Variants in PRR5L observed in about 807,000 individuals in gnomAD.
The protein encoded by PRR5L is proline rich 5 like, also known as proline-rich protein 5-like.
A neutral mutation model predicts 36.4 loss-of-function variants in PRR5L; 21 were observed. That is an observed-to-expected ratio of 0.58 (90% CI 0.41 to 0.83). PRR5L has a LOEUF of 0.83. Among genes scored for constraint, PRR5L ranks in the 40% least tolerant of loss-of-function variants. The pLI is 0.00. For missense variants in PRR5L, 381 were observed against 473.3 expected, an observed-to-expected ratio of 0.80 and a Z score of 1.81; for synonymous variants, 188 against 197.0, an observed-to-expected ratio of 0.95 and a Z score of 0.38.
intron 1 of PRR5L, among the ~76,000 whole-genome samples, chr11:36,369,855 C>T (rs1277496040): frequency 6.6e-6 from 1 of 152,174 alleles, no homozygotes; most frequent in Admixed American, 6.5e-5. Flanking sequence ...CCTTGGCCTC[C>T]CAAAATGCTG....
At chr11:36,439,553 T>C (rs773268765) in intron 6 of PRR5L, among the ~76,000 whole-genome samples, 3 of 152,178 alleles carry the variant, frequency 2.0e-5, no homozygotes, top group South Asian at 4.1e-4. Context: ...TCCTGTCAAC[T>C]CCTGAGGCCA....
At chr11:36,335,875 C>T (rs973782216) in intron 1 of PRR5L, among the ~76,000 whole-genome samples, 2 of 152,122 alleles carry the variant, frequency 1.3e-5, no homozygotes, top group Admixed American at 6.5e-5. Context: ...AAAGCTTTGC[C>T]GCAGTGAATC....
intron 1 of PRR5L, among the ~76,000 whole-genome samples, chr11:36,370,509 A>G (rs58951010): frequency 0.037 from 5,605 of 152,254 alleles, 358 homozygotes; most frequent in African/African-American, 0.13. Flanking sequence ...GGTGCTTGAC[A>G]CCAATAAGTG....
At chr11:36,341,618 G>C (rs1290785982) in intron 1 of PRR5L, among the ~76,000 whole-genome samples, 1 of 152,200 alleles carries the variant, frequency 6.6e-6, no homozygotes, top group Non-Finnish European at 1.5e-5. Flanking sequence ...ATCTGGCCAA[G>C]TGACCATGAG....
chr11:36,361,859 T>C (rs1230746420), intron 1 of PRR5L, among the ~76,000 whole-genome samples: 6 of 152,104 alleles, frequency 3.9e-5, no homozygotes, highest in Non-Finnish European at 7.4e-5. Flanking sequence ...GGAATGGCTG[T>C]TAAAGAGAGA....
At chr11:36,453,722 T>C (rs777300856) in intron 8 of PRR5L, among the ~76,000 whole-genome samples, 7 of 152,116 alleles carry the variant, frequency 4.6e-5, no homozygotes, top group South Asian at 2.1e-4. Context: ...GTACACATGT[T>C]CTGAGGGGGA....
rs1590621627 is a variant in PRR5L, at chr11:36,465,052, T to G, written c.*2316T>G. 6.6e-6 allele frequency: 1 copy of G among 152,232 alleles called. No individual in the cohort carries two copies. Among genetic ancestry groups the G allele is most frequent in the East Asian group, 1.9e-4 (1 of 5,202 alleles). The allele number at this position is 152,232 out of a possible 1,614,324, so 9.4% of individuals were successfully genotyped here. A position where few individuals can be genotyped will look rare whatever the true frequency, so the allele number is the denominator to read the frequency against. On this transcript the variant is annotated 3_prime_UTR_variant, in exon 9 of 9. Transcript: ENST00000530639. ...GAGGTGTCCTTAACCACTTTTTCTC[T>G]CCTAGATTCATTTTCATTATTTATG...
chr11:36,314,389 G>A (rs558196264), intron 1 of PRR5L, among the ~76,000 whole-genome samples: 1 of 152,292 alleles, frequency 6.6e-6, no homozygotes, highest in Admixed American at 6.5e-5. Flanking sequence ...TCAGTAAAGT[G>A]GACTTGGCTC....
intron 4 of PRR5L, among the ~76,000 whole-genome samples, chr11:36,421,778 TA>T (rs34310162): frequency 0.32 from 48,937 of 151,968 alleles, 8,103 homozygotes; most frequent in East Asian, 0.57. Flanking sequence ...TCTCCTCTTT[TA>T]TTTTCCTTTC....
chr11:36,461,906 A>G (rs1859193039), intron 8 of PRR5L, among the ~76,000 whole-genome samples: 1 of 152,302 alleles, frequency 6.6e-6, no homozygotes, highest in East Asian at 1.9e-4. Context: ...ATTTCAGCTT[A>G]GGAAGACTCT....
intron 1 of PRR5L, among the ~76,000 whole-genome samples, chr11:36,374,101 C>G (rs1857227149): frequency 1.1e-5 from 1 of 89,954 alleles, no homozygotes; most frequent in Non-Finnish European, 2.1e-5. Flanking sequence ...TTCCTTCCTT[C>G]CTTCCTCTCT....
intron 1 of PRR5L, among the ~76,000 whole-genome samples, chr11:36,371,163 G>T (rs907835429): frequency 5.9e-5 from 9 of 152,072 alleles, no homozygotes; most frequent in Admixed American, 5.9e-4. Flanking sequence ...TAATTATTTT[G>T]CTTATGTCAT....
chr11:36,392,674 C>T (rs1466701612), intron 1 of PRR5L, among the ~76,000 whole-genome samples: 1 of 152,038 alleles, frequency 6.6e-6, no homozygotes, highest in African/African-American at 2.4e-5. Context: ...CTAGGGAGGC[C>T]TCAGGAAACT....
intron 1 of PRR5L, among the ~76,000 whole-genome samples, chr11:36,364,991 T>A (rs1229526105): frequency 6.6e-6 from 1 of 152,240 alleles, no homozygotes; most frequent in East Asian, 1.9e-4. Context: ...GACAGTTCAG[T>A]GATCCGTACA....
At chr11:36,457,136 C>A (rs1187881777) in intron 8 of PRR5L, among the ~76,000 whole-genome samples, 2 of 152,240 alleles carry the variant, frequency 1.3e-5, no homozygotes, top group Non-Finnish European at 2.9e-5. Context: ...TCATTTCCTA[C>A]AAAGATGCTG....
chr11:36,333,183 G>A (rs1856736132), intron 1 of PRR5L, among the ~76,000 whole-genome samples: 1 of 152,134 alleles, frequency 6.6e-6, no homozygotes, highest in Middle Eastern at 3.2e-3. Context: ...AAAAATCCAG[G>A]TAGCCTATTG....
chr11:36,335,345 A>G (rs565339133), intron 1 of PRR5L, among the ~76,000 whole-genome samples: 4 of 152,240 alleles, frequency 2.6e-5, no homozygotes, highest in Non-Finnish European at 5.9e-5. Context: ...AATTATAGGC[A>G]TGAGCCACCA....
intron 4 of PRR5L, among the ~76,000 whole-genome samples, chr11:36,431,630 G>T (rs564314132): frequency 2.0e-5 from 3 of 152,134 alleles, no homozygotes; most frequent in Admixed American, 6.5e-5. Flanking sequence ...GTGGCGGTTG[G>T]GTTTGCCTCT....
chr11:36,302,545 G>A (rs1013846596), intron 1 of PRR5L, among the ~76,000 whole-genome samples: 3 of 152,048 alleles, frequency 2.0e-5, no homozygotes, highest in Non-Finnish European at 2.9e-5. Flanking sequence ...CAGCACTTTG[G>A]GAGGCCAAGG....
Sources: allele counts gnomAD v4.1 joint callset (sites outside exome capture counted in the v4.1 genomes callset), GRCh38; gene constraint gnomAD v4.1.1; transcripts MANE v1.5; gene names NCBI Gene and HGNC (gene_info 2026-07-23, HGNC 2026-07-21).